CNTRL: variants seen among roughly 807,000 people sequenced by gnomAD.
The protein encoded by CNTRL is 110 kDa centrosomal protein.
CNTRL carries 233 observed loss-of-function variants against 303.7 expected under a neutral mutation model. The ratio of observed to expected loss-of-function variants is 0.77; its 90% CI spans 0.69 to 0.86. The LOEUF is 0.86. CNTRL is among the 40% of genes least tolerant of loss of function. CNTRL has a pLI of 0.00. For synonymous variants in CNTRL, 900 were observed against 922.2 expected, an observed-to-expected ratio of 0.98 and a Z score of 0.44; for missense variants, 2,524 against 2,650.6, an observed-to-expected ratio of 0.95 and a Z score of 1.05.
chr9:121,124,775 A>C, intron 13 of CNTRL, among the ~76,000 whole-genome samples: 1 of 48,308 alleles, frequency 2.1e-5, no homozygotes, highest in South Asian at 3.0e-3. Context: ...CCGTCTCTAC[A>C]AAAAAAAAAA....
At chr9:121,095,339 T>G (rs956870480) in intron 5 of CNTRL, among the ~76,000 whole-genome samples, 1 of 152,204 alleles carries the variant, frequency 6.6e-6, no homozygotes, top group African/African-American at 2.4e-5. Context: ...ACATTAAGAA[T>G]GTTGACATGA....
chr9:121,090,899 G>A (rs888865540), intron 4 of CNTRL, among the ~76,000 whole-genome samples: 5 of 152,186 alleles, frequency 3.3e-5, no homozygotes, highest in East Asian at 3.8e-4. Context: ...ACAGTTTCAC[G>A]TGGCTGGGGA....
intron 12 of CNTRL, among the ~76,000 whole-genome samples, chr9:121,120,300 A>G (rs903057948): frequency 4.3e-4 from 65 of 152,332 alleles, no homozygotes; most frequent in African/African-American, 1.5e-3. Context: ...GGATAACCTT[A>G]TGACAGATAT....
At chr9:121,167,107 C>T (rs1000326931) in intron 36 of CNTRL, among the ~76,000 whole-genome samples, 18 of 151,734 alleles carry the variant, frequency 1.2e-4, no homozygotes, top group Non-Finnish European at 2.5e-4. Context: ...CCCAGGAGTT[C>T]GAGATCAGCC....
intron 4 of CNTRL, among the ~76,000 whole-genome samples, chr9:121,092,969 G>A (rs1026029278): frequency 6.7e-6 from 1 of 149,878 alleles, no homozygotes; most frequent in East Asian, 1.9e-4. Context: ...ACGACGCCCA[G>A]CTAATTTTTT....
chr9:121,170,745 G>A (rs993686956), intron 39 of CNTRL, among the ~76,000 whole-genome samples: 3 of 152,164 alleles, frequency 2.0e-5, no homozygotes, highest in African/African-American at 2.4e-5. Flanking sequence ...AAGCCACCGC[G>A]CCTAGCCAGT....
intron 40 of CNTRL, 54 bp from the exon 41 acceptor site, chr9:121,173,189 C>G (rs1006437141): frequency 1.3e-5 from 19 of 1,497,228 alleles, no homozygotes; most frequent in Non-Finnish European, 1.6e-5. Context: ...CAGCTCAATT[C>G]CAAGTAAGTC....
rs1466900084 is a variant in CNTRL at position 121,144,122 on chromosome 9, C to A, written c.3051+40C>A. 2.0e-6 allele frequency: 3 copies of A among 1,507,706 alleles called. No individual in the cohort carries two copies. In the South Asian group the frequency reaches 3.9e-5, roughly 19 times the overall value. 93.4% of individuals were successfully genotyped at this position (1,507,706 alleles called of 1,614,324 possible). The stretch of plus-strand genomic sequence containing the variant: ...ACAGAACAGGTTTCCATCAATGATG[C>A]TGCTGTCAAAAAACATGGCAACTTG... On this transcript the variant is annotated intron_variant, in intron 20 of 43. Transcript: ENST00000373855.
chr9:121,159,204 G>T (rs2052735470), intron 31 of CNTRL, among the ~76,000 whole-genome samples, 185 bp downstream of exon 31: 1 of 152,108 alleles, frequency 6.6e-6, no homozygotes, highest in Admixed American at 6.6e-5. Flanking sequence ...CCCCTCTGTT[G>T]TTTTCTGGAT....
Position 121,165,008 on chromosome 9 carries a change from A to G in CNTRL, c.5489A>G (p.Asn1830Ser). ...EQSNLEKLEL[N>S]VRKLQQELDQ... ...TCAAACTTAGAAAAGTTGGAATTGA[A>G]TGTCAGAAAACTGCAGCAGGAACTA... is the stretch of plus-strand genomic sequence containing the variant. The change falls in exon 35 of 44, where the codon AAT (asparagine) becomes AGT (serine). Residue 1830 changes from asparagine to serine, a missense_variant. Physicochemically the swap from Asn to Ser is conservative, Grantham distance 46. Coordinates refer to ENST00000373855, the MANE Select transcript of CNTRL (RefSeq NM_007018.6). 6.2e-7 allele frequency: 1 copy of G among 1,612,226 alleles called. No homozygotes were observed. Among genetic ancestry groups the G allele is most frequent in the Non-Finnish European group, 8.5e-7 (1 of 1,179,400 alleles).
rs370673070 is a variant in CNTRL at position 121,126,970 on chromosome 9, C to T, written c.2025+1034C>T. On this transcript the variant is annotated intron_variant, in intron 14 of 43. Transcript: ENST00000373855. The stretch of plus-strand genomic sequence containing the variant: ...CCGAGTAGCTGGGAGTACAGGCATT[C>T]ACCACCTGCCCGGCTAATTTTGTAT... Among the ~76,000 whole-genome samples, 3 of 152,126 alleles carry T rather than the reference C, an allele frequency of 2.0e-5. No individual in the cohort carries two copies. In the East Asian group the frequency reaches 5.8e-4, roughly 29 times the overall value.
At chr9:121,107,616 A>G (rs762078555) in intron 7 of CNTRL, among the ~76,000 whole-genome samples, 186 bp from the exon 8 acceptor site, 1 of 152,208 alleles carries the variant, frequency 6.6e-6, no homozygotes, top group Non-Finnish European at 1.5e-5. Context: ...CATTGAAATG[A>G]TGCCTTCTTG....
rs773722053 is a variant in CNTRL, at chr9:121,166,061, T to A, written c.5582-46T>A. On this transcript the variant is annotated intron_variant, in intron 35 of 43. Coordinates refer to ENST00000373855, the MANE Select transcript of CNTRL (RefSeq NM_007018.6). ...GGAATGCTAATGGGAATCTGTACAG[T>A]AAATACGTATGTATTTCTTATTTCA... 5.0e-6 allele frequency: 7 copies of A among 1,388,034 alleles called. No individual in the cohort carries two copies. The Admixed American group carries it at 1.2e-4, about 24-fold the overall frequency. 86.0% of individuals were successfully genotyped at this position (1,388,034 alleles called of 1,614,324 possible). A position where few individuals can be genotyped will look rare whatever the true frequency, so the allele number is the denominator to read the frequency against.
intron 7 of CNTRL, among the ~76,000 whole-genome samples, chr9:121,103,125 A>G (rs2049268228): frequency 6.6e-6 from 1 of 152,258 alleles, no homozygotes; most frequent in South Asian, 2.1e-4. Flanking sequence ...AGCTGGAGGC[A>G]TCACACTACC....
intron 19 of CNTRL, among the ~76,000 whole-genome samples, chr9:121,143,588 C>T (rs112093178): frequency 3.3e-5 from 5 of 152,190 alleles, no homozygotes; most frequent in African/African-American, 1.2e-4. Context: ...CTTGTGCCAC[C>T]ATCCTATGCC....
At position 121,171,513 on chromosome 9, in the gene CNTRL, C is replaced by T. The variant is rs2053303691; in HGVS notation, c.6382C>T (p.Gln2128Ter). ...RARRLMKELN[Q>*]MQYEYTELKK... The stretch of plus-strand genomic sequence containing the variant: ...CAGGCGCCTGATGAAGGAGCTCAAC[C>T]AGATGCAGTATGAGTACACGGAGCT... Residue 2128 changes from glutamine (Q) to a stop codon, truncating the protein, a stop_gained, in exon 40 of 44, where the codon CAG (glutamine) becomes TAG (stop). Transcript: ENST00000373855. LOFTEE classifies it high-confidence loss of function. 6.2e-7 allele frequency: 1 copy of T among 1,613,846 alleles called. No individual in the cohort carries two copies. Among genetic ancestry groups the T allele is most frequent in the South Asian group, 1.1e-5 (1 of 91,064 alleles).
In CNTRL at chr9:121,092,725, A is replaced by C. The variant is rs1431280757; in HGVS notation, c.349-2163A>C. Among the ~76,000 whole-genome samples, 6 of 42,208 alleles carry C rather than the reference A, an allele frequency of 1.4e-4. 2 individuals are homozygous for C. The highest frequency in any genetic ancestry group is 5.2e-4 in the Admixed American group (1 of 1,908). 27.7% of individuals were successfully genotyped at this position (42,208 alleles called of 152,430 possible). A position where few individuals can be genotyped will look rare whatever the true frequency, so the allele number is the denominator to read the frequency against. ...ATCTATATATATAATATATATCTAT[A>C]TATATATAATATATATCTATATATA... On this transcript the variant is annotated intron_variant, in intron 4 of 43. Coordinates refer to ENST00000373855, the MANE Select transcript of CNTRL (RefSeq NM_007018.6).
At position 121,168,123 on chromosome 9, in the gene CNTRL, G is replaced by GA; in HGVS notation, c.5875dup (p.Ser1959LysfsTer2). On this transcript the variant is annotated frameshift_variant, in exon 38 of 44. Coordinates refer to ENST00000373855, the MANE Select transcript of CNTRL (RefSeq NM_007018.6). LOFTEE classifies it high-confidence loss of function. Reference sequence around the variant, plus strand: ...GTTTCAGAGACTCCAGAAAGAGAGAGAAAGTGAAGAAAGCAAATTAGAAAC... The same window carrying GA: ...GTTTCAGAGACTCCAGAAAGAGAGAGAAAAGTGAAGAAAGCAAATTAGAAAC... The GA allele has an allele frequency of 6.2e-7, 1 of 1,613,306 alleles. No homozygotes were observed. Among genetic ancestry groups the GA allele is most frequent in the South Asian group, 1.1e-5 (1 of 91,072 alleles).
At chr9:121,131,100 A>G (rs769391603) in intron 14 of CNTRL, among the ~76,000 whole-genome samples, 9 of 152,220 alleles carry the variant, frequency 5.9e-5, no homozygotes, top group Non-Finnish European at 1.0e-4. Flanking sequence ...AGAAGAATGT[A>G]TATTCTGTTG....
Sources: allele counts gnomAD v4.1 joint callset (sites outside exome capture counted in the v4.1 genomes callset), GRCh38; gene constraint gnomAD v4.1.1; transcripts MANE v1.5; gene names NCBI Gene and HGNC (gene_info 2026-07-23, HGNC 2026-07-21).